PSMC2: variants seen among roughly 807,000 people sequenced by gnomAD.
PSMC2 encodes proteasome 26S subunit, ATPase 2, also known as 26S proteasome regulatory subunit 7.
PSMC2 carries 7 observed loss-of-function variants against 53.3 expected under a neutral mutation model. The ratio of observed to expected loss-of-function variants is 0.13; its 90% CI spans 0.07 to 0.25. PSMC2 has a LOEUF of 0.25. Ranked by LOEUF, PSMC2 falls within the 10% of genes least tolerant of loss-of-function variation. The probability of loss-of-function intolerance (pLI) is 1.00; values close to 1 mark genes in which losing one functional copy is unlikely to be tolerated. For missense variants in PSMC2, 241 were observed against 544.0 expected (o/e 0.44, Z 5.54); for synonymous variants, 169 against 183.9 (o/e 0.92, Z 0.66).
chr7:103,362,385 A>C, intron 5 of PSMC2: 1 of 1,337,234 alleles, frequency 7.5e-7, no homozygotes, highest in Non-Finnish European at 9.5e-7. Context: ...TTGCTTTAGG[A>C]TAGTTGTGAT....
At position 103,367,688 on chromosome 7, in the gene PSMC2, T is replaced by C; in HGVS notation, c.1048-25T>C. 6.2e-7 allele frequency: 1 copy of C among 1,608,972 alleles called. No individual in the cohort carries two copies. Among genetic ancestry groups the C allele is most frequent in the South Asian group, 1.1e-5 (1 of 90,134 alleles). On this transcript the variant is annotated intron_variant, in intron 10 of 11. Coordinates refer to ENST00000292644, the MANE Select transcript of PSMC2 (RefSeq NM_002803.4). The surrounding 1 kb of genome is among the most constrained non-coding windows in gnomAD (Gnocchi z 6.1). ...TTCCTGTGATTTTTTTCCATTTTAA[T>C]ATTTGTCAATTTTCTCATTTTTAGG... is the stretch of plus-strand genomic sequence containing the variant.
intron 1 of PSMC2, chr7:103,348,480 A>T: frequency 1.7e-6 from 1 of 572,978 alleles, no homozygotes; most frequent in Non-Finnish European, 3.2e-6. Context: ...GCATCTGCAT[A>T]GTATCCTGTA....
Position 103,361,628 on chromosome 7 carries a change from A to G in PSMC2, c.291-329A>G, listed in dbSNP as rs114789907. Reference sequence around the variant, plus strand: ...ACAAGATGACCATCTTTTTGTAGGGAAAATAAAAACGAGAGCAACTTAAGA... The same window carrying G: ...ACAAGATGACCATCTTTTTGTAGGGGAAATAAAAACGAGAGCAACTTAAGA... On this transcript the variant is annotated intron_variant, in intron 4 of 11. Transcript: ENST00000292644. Among the ~76,000 whole-genome samples the G allele has an allele frequency of 4.7e-3, 712 of 152,174 alleles. 6 individuals carry two copies. Among genetic ancestry groups the G allele is most frequent in the African/African-American group, 0.016 (676 of 41,540 alleles).
intron 4 of PSMC2, 94 bp from the exon 5 acceptor site, chr7:103,361,863 C>G: frequency 8.0e-7 from 1 of 1,252,996 alleles, no homozygotes; most frequent in Non-Finnish European, 1.1e-6. Flanking sequence ...TAGTTTATAC[C>G]TGTATATTGC....
intron 8 of PSMC2, 124 bp from the exon 9 acceptor site, chr7:103,365,952 T>C: frequency 1.3e-6 from 1 of 748,006 alleles, no homozygotes; most frequent in Non-Finnish European, 2.1e-6. Flanking sequence ...ATAAAAAACG[T>C]TTAGGTAATA....
intron 4 of PSMC2, 57 bp from the exon 5 acceptor site, chr7:103,361,900 G>A: frequency 6.6e-7 from 1 of 1,520,366 alleles, no homozygotes; most frequent in African/African-American, 1.4e-5. Context: ...CTAGTTAGTT[G>A]AATTCATTAT....
In PSMC2 at chr7:103,347,830, A is replaced by G. The variant is rs180822731; in HGVS notation, c.70+49A>G. On this transcript the variant is annotated intron_variant, in intron 1 of 11. Transcript: ENST00000292644. ...CGGAGCTGGGGCGGGACTGGAGCGG[A>G]GCTGCCTTGGCACTGGAGAGGAGCT... 1.9e-6 allele frequency: 3 copies of G among 1,604,354 alleles called. No individual in the cohort carries two copies. The African/African-American group carries it at 4.0e-5, about 21-fold the overall frequency.
chr7:103,356,798 C>T (rs2116171321), intron 4 of PSMC2, among the ~76,000 whole-genome samples: 2 of 152,096 alleles, frequency 1.3e-5, no homozygotes, highest in East Asian at 3.9e-4. Flanking sequence ...CCAATATTTC[C>T]ATTATACCTT....
chr7:103,347,599 GGTCT>G (rs1424231688), upstream of PSMC2: 27 of 1,226,424 alleles, frequency 2.2e-5, no homozygotes, highest in Non-Finnish European at 3.1e-5. Context: ...TGCATAAAGG[GGTCT>G]GTCTGAGCCC....
intron 4 of PSMC2, among the ~76,000 whole-genome samples, chr7:103,361,113 CA>C (rs894077630): frequency 7.1e-6 from 1 of 141,314 alleles, no homozygotes; most frequent in African/African-American, 2.6e-5. Flanking sequence ...GACTCTGTCT[CA>C]AAAAAAAGAA....
At chr7:103,353,998 G>C (rs375404196) in intron 2 of PSMC2, 40 bp downstream of exon 2, 70 of 1,466,964 alleles carry the variant, frequency 4.8e-5, no homozygotes, top group Non-Finnish European at 6.0e-5. Context: ...GATGTTTTAT[G>C]TTGAAATAAA....
In PSMC2 at chr7:103,366,130, C is replaced by T; in HGVS notation, c.811C>T (p.Leu271Phe). ...FEMARTKKAC[L>F]IFFDEIDAIG... ...AATGGCCAGAACAAAAAAAGCCTGC[C>T]TTATCTTCTTTGATGAAATTGATGC... Residue 271 changes from leucine to phenylalanine, a missense_variant, in exon 9 of 12, where the codon CTT becomes TTT. By Grantham distance (22) the Leu-to-Phe change is conservative. Around this residue, in one of 6 missense-constraint regions of PSMC2, gnomAD observed 26 missense variants for 104.7 expected, o/e 0.25. Coordinates refer to ENST00000292644, the MANE Select transcript of PSMC2 (RefSeq NM_002803.4). The T allele has an allele frequency of 6.2e-7, 1 of 1,613,870 alleles. No individual in the cohort carries two copies. Among genetic ancestry groups the T allele is most frequent in the Non-Finnish European group, 8.5e-7 (1 of 1,179,858 alleles).
chr7:103,349,005 G>A (rs960081186), intron 1 of PSMC2, among the ~76,000 whole-genome samples: 1 of 152,198 alleles, frequency 6.6e-6, no homozygotes, highest in Non-Finnish European at 1.5e-5. Flanking sequence ...CAGTGCATGA[G>A]ATATGCACAC....
At chr7:103,362,828 C>G in intron 6 of PSMC2, 70 bp downstream of exon 6, 2 of 1,176,648 alleles carry the variant, frequency 1.7e-6, no homozygotes, top group Non-Finnish European at 2.4e-6. Context: ...CGGAGTTTCA[C>G]TCTTGTCCAG....
At chr7:103,352,919 T>C (rs1819803308) in intron 1 of PSMC2, 2 of 780,976 alleles carry the variant, frequency 2.6e-6, no homozygotes, top group South Asian at 2.7e-5. Flanking sequence ...GTCATCTCTG[T>C]ATGAAAGCTG....
intron 8 of PSMC2, among the ~76,000 whole-genome samples, chr7:103,365,710 A>G (rs1302014940): frequency 6.6e-6 from 1 of 152,058 alleles, no homozygotes; most frequent in African/African-American, 2.4e-5. Context: ...CGGGTGGAAC[A>G]TGAGGTCAGG....
rs533101025 is a variant in PSMC2, at chr7:103,366,223, A to G, written c.844+60A>G. 3.0e-4 allele frequency: 411 copies of G among 1,360,088 alleles called. 2 individuals are homozygous for G. The South Asian group carries it at 4.5e-3, about 15-fold the overall frequency. The allele number at this position is 1,360,088 out of a possible 1,614,324, so 84.3% of individuals were successfully genotyped here. On this transcript the variant is annotated intron_variant, in intron 9 of 11. Coordinates refer to ENST00000292644, the MANE Select transcript of PSMC2 (RefSeq NM_002803.4). The stretch of plus-strand genomic sequence containing the variant: ...TCAGTTTCATGAAAGCTGTAAAGTG[A>G]TATGTCGTGATATGTTAATCTTGTA...
intron 6 of PSMC2, 21 bp downstream of exon 6, chr7:103,362,779 A>T (rs950934675): frequency 4.6e-6 from 7 of 1,517,386 alleles, no homozygotes; most frequent in Non-Finnish European, 6.4e-6. Context: ...ATGGGAGGGA[A>T]AAGGAAGGCT....
chr7:103,347,666 G>T lies in PSMC2; in HGVS notation c.-46G>T, dbSNP rs760031714. The T allele has an allele frequency of 3.5e-5, 56 of 1,608,144 alleles. 1 individual carries two copies. The highest frequency in any genetic ancestry group is 4.7e-5 in the Non-Finnish European group (55 of 1,175,004). On this transcript the variant is annotated 5_prime_UTR_variant, in exon 1 of 12. It adds an upstream start codon to the 5' untranslated region. Coordinates refer to ENST00000292644, the MANE Select transcript of PSMC2 (RefSeq NM_002803.4). ...GGAAGACACCACCGGAAGCAAGGAA[G>T]GTGCTGTGTAATCATTAAGGAGCGG...
Sources: allele counts gnomAD v4.1 joint callset (sites outside exome capture counted in the v4.1 genomes callset), GRCh38; gene constraint gnomAD v4.1.1; regional missense constraint gnomAD v4.1.1; non-coding constraint Gnocchi (gnomAD v3.1); transcripts MANE v1.5; gene names NCBI Gene and HGNC (gene_info 2026-07-23, HGNC 2026-07-21).